The following CNTNAP5 variants were observed in gnomAD, a reference collection of about 807,000 sequenced individuals.
CNTNAP5 encodes the protein contactin associated protein family member 5, also known as contactin-associated protein-like 5.
A neutral mutation model predicts 150.2 loss-of-function variants in CNTNAP5; 72 were observed. That is an observed-to-expected ratio of 0.48 (90% CI 0.40 to 0.58). The LOEUF (loss-of-function observed/expected upper bound fraction) is 0.58, where lower values mean the gene tolerates loss of function less well. Among genes scored for constraint, CNTNAP5 ranks in the 20% least tolerant of loss-of-function variants. The pLI, the probability that CNTNAP5 is intolerant of heterozygous loss-of-function variation, is 0.00. For synonymous variants in CNTNAP5, 672 were observed against 619.8 expected, an observed-to-expected ratio of 1.08 and a Z score of -1.25; for missense variants, 1,636 against 1,626.2, an observed-to-expected ratio of 1.01 and a Z score of -0.10.
chr2:124,677,174 C>T (rs772640526), intron 13 of CNTNAP5, among the ~76,000 whole-genome samples: 3 of 152,168 alleles, frequency 2.0e-5, no homozygotes, highest in Non-Finnish European at 4.4e-5. Flanking sequence ...GGTTCACGGT[C>T]TCACTGACTT....
At chr2:124,470,625 G>A (rs757285498) in intron 6 of CNTNAP5, among the ~76,000 whole-genome samples, 72 of 152,014 alleles carry the variant, frequency 4.7e-4, no homozygotes, top group Non-Finnish European at 8.4e-4. Flanking sequence ...TGGCATCTTC[G>A]TTATGAAATC....
chr2:124,736,001 C>T (rs1022870846), intron 13 of CNTNAP5, among the ~76,000 whole-genome samples: 5 of 152,016 alleles, frequency 3.3e-5, no homozygotes, highest in African/African-American at 7.2e-5. Context: ...GAGGCTGAGG[C>T]GGGCAGATCA....
In CNTNAP5 at chr2:124,694,903, T is replaced by C. The variant is rs564152973; in HGVS notation, c.2077+46945T>C. ...ACAAAAGTGAAACAATGAAGGCATA[T>C]GCTAAAGCTTTGCTTGTTTGTCAAT... On this transcript the variant is annotated intron_variant, in intron 13 of 23. Coordinates refer to ENST00000682447, the MANE Select transcript of CNTNAP5 (RefSeq NM_001367498.1). 4.6e-5 allele frequency among the ~76,000 whole-genome samples: 7 copies of C among 152,282 alleles called. No homozygotes were observed. In the South Asian group the frequency reaches 1.5e-3, roughly 32 times the overall value.
intron 1 of CNTNAP5, among the ~76,000 whole-genome samples, chr2:124,066,555 G>A (rs941805361): frequency 3.9e-5 from 6 of 152,096 alleles, no homozygotes; most frequent in Middle Eastern, 3.4e-3. Flanking sequence ...TGGGACCTTC[G>A]ATGTGAAGAC....
chr2:124,500,975 A>G (rs1266140201), intron 7 of CNTNAP5, among the ~76,000 whole-genome samples: 3 of 152,080 alleles, frequency 2.0e-5, no homozygotes, highest in Non-Finnish European at 4.4e-5. Flanking sequence ...TGTGGTAAGG[A>G]AAAGCACTCA....
At chr2:124,071,231 A>G (rs1682296274) in intron 1 of CNTNAP5, among the ~76,000 whole-genome samples, 1 of 151,894 alleles carries the variant, frequency 6.6e-6, no homozygotes, top group African/African-American at 2.4e-5. Context: ...GTTTATAGCT[A>G]TAAGTGCATA....
intron 2 of CNTNAP5, 106 bp downstream of exon 2, chr2:124,221,915 G>A (rs962463189): frequency 1.8e-4 from 124 of 691,602 alleles, no homozygotes; most frequent in Middle Eastern, 6.0e-4. Context: ...TCCAATGGCC[G>A]TCTTCAGGAA....
intron 13 of CNTNAP5, among the ~76,000 whole-genome samples, chr2:124,699,160 T>C (rs186375391): frequency 9.2e-4 from 140 of 152,328 alleles, no homozygotes; most frequent in African/African-American, 3.0e-3. Flanking sequence ...TAAGCAGCTG[T>C]GCTTTCTGCC....
chr2:124,811,704 G>A (rs1255489397), intron 19 of CNTNAP5, among the ~76,000 whole-genome samples: 3 of 76,456 alleles, frequency 3.9e-5, no homozygotes, highest in South Asian at 5.7e-4. Context: ...CACTTTAGGA[G>A]GCGGGGGGGG....
intron 3 of CNTNAP5, among the ~76,000 whole-genome samples, chr2:124,339,001 C>CT (rs1689542820): frequency 6.6e-6 from 1 of 152,084 alleles, no homozygotes; most frequent in Non-Finnish European, 1.5e-5. Context: ...CTATCTGAGA[C>CT]TTGGGGTAGT....
At chr2:124,629,153 A>G (rs369345340) in intron 12 of CNTNAP5, among the ~76,000 whole-genome samples, 36 of 152,192 alleles carry the variant, frequency 2.4e-4, no homozygotes, top group African/African-American at 8.4e-4. Context: ...TAGATCACGG[A>G]GACAGAAAAT....
At chr2:124,458,483 A>T (rs74436209) in intron 6 of CNTNAP5, among the ~76,000 whole-genome samples, 19,812 of 151,494 alleles carry the variant, frequency 0.13, 1,645 homozygotes, top group Non-Finnish European at 0.19. Flanking sequence ...ATGCAAAGGC[A>T]TGGGAAAGAC....
At chr2:124,318,557 A>C (rs972818038) in intron 3 of CNTNAP5, among the ~76,000 whole-genome samples, 2 of 152,190 alleles carry the variant, frequency 1.3e-5, no homozygotes, top group Non-Finnish European at 2.9e-5. Context: ...AATTCTATTA[A>C]GTGTAATTGT....
At chr2:124,741,052 A>G (rs916608970) in intron 13 of CNTNAP5, among the ~76,000 whole-genome samples, 6 of 152,210 alleles carry the variant, frequency 3.9e-5, no homozygotes, top group Admixed American at 3.9e-4. Context: ...TTTGCTCATC[A>G]GTGCAGCAAA....
chr2:124,072,813 T>A (rs1412561267), intron 1 of CNTNAP5, among the ~76,000 whole-genome samples: 2 of 151,890 alleles, frequency 1.3e-5, no homozygotes, highest in African/African-American at 2.4e-5. Context: ...AATGCAATCC[T>A]TATCAAAATA....
At chr2:124,724,810 T>C (rs967919113) in intron 13 of CNTNAP5, among the ~76,000 whole-genome samples, 14 of 152,150 alleles carry the variant, frequency 9.2e-5, no homozygotes, top group African/African-American at 3.1e-4. Flanking sequence ...TACTCATCTG[T>C]TCTGAATTTT....
At chr2:124,898,421 A>C (rs748200193) in intron 21 of CNTNAP5, among the ~76,000 whole-genome samples, 8 of 151,520 alleles carry the variant, frequency 5.3e-5, no homozygotes, top group Non-Finnish European at 1.2e-4. Flanking sequence ...GATTCATTCT[A>C]TCACTCTCTT....
chr2:124,867,324 T>A (rs915514527), intron 20 of CNTNAP5, among the ~76,000 whole-genome samples: 1 of 152,206 alleles, frequency 6.6e-6, no homozygotes, highest in South Asian at 2.1e-4. Context: ...TTGCCCGAAT[T>A]TTTGGAAATG....
At chr2:124,644,745 T>C (rs898771357) in intron 12 of CNTNAP5, among the ~76,000 whole-genome samples, 5 of 152,094 alleles carry the variant, frequency 3.3e-5, no homozygotes, top group African/African-American at 1.2e-4. Flanking sequence ...TATCCTGCTG[T>C]CTCCCAGGAG....
Sources: gnomAD v4.1 joint callset for allele counts (sites outside exome capture counted in the v4.1 genomes callset) on GRCh38, gnomAD v4.1.1 for gene constraint, MANE v1.5 for transcripts, NCBI Gene and HGNC (gene_info 2026-07-23, HGNC 2026-07-21) for gene names.